The following CSMD1 variants were observed in gnomAD, a reference collection of about 807,000 sequenced individuals.
CSMD1 encodes the protein CUB and sushi domain-containing protein 1.
CSMD1 carries 213 observed loss-of-function variants against 417.5 expected under a neutral mutation model. That is an observed-to-expected ratio of 0.51 (90% confidence interval 0.46 to 0.57). The LOEUF is 0.57. Among genes scored for constraint, CSMD1 ranks in the 20% least tolerant of loss-of-function variants. CSMD1 has a pLI of 0.00. For missense variants in CSMD1, 6,923 were observed against 4,529.7 expected, an observed-to-expected ratio of 1.53 and a Z score of -15.17; for synonymous variants, 2,862 against 1,736.8, an observed-to-expected ratio of 1.65 and a Z score of -16.11.
intron 1 of CSMD1, among the ~76,000 whole-genome samples, chr8:4,719,756 C>A (rs7003892): frequency 1.3e-5 from 2 of 151,884 alleles, no homozygotes; most frequent in African/African-American, 4.8e-5. Context: ...TATGCACTTA[C>A]GATTTTCAAA....
At chr8:3,781,288 T>C (rs1408171652) in intron 5 of CSMD1, among the ~76,000 whole-genome samples, 1 of 152,130 alleles carries the variant, frequency 6.6e-6, no homozygotes, top group Non-Finnish European at 1.5e-5. Context: ...GAGAATATGG[T>C]ATGAATATAC....
intron 1 of CSMD1, among the ~76,000 whole-genome samples, chr8:4,779,996 T>C (rs961368262): frequency 1.3e-5 from 2 of 152,170 alleles, no homozygotes; most frequent in African/African-American, 2.4e-5. Flanking sequence ...GCAAACATTC[T>C]TTTCTCTTCT....
intron 12 of CSMD1, among the ~76,000 whole-genome samples, chr8:3,449,724 G>A (rs949502898): frequency 6.6e-6 from 1 of 152,110 alleles, no homozygotes. Context: ...CACCATGTTG[G>A]TCAGGCCTGT....
intron 10 of CSMD1, among the ~76,000 whole-genome samples, chr8:3,522,945 A>G (rs1428917221): frequency 1.3e-5 from 2 of 150,796 alleles, no homozygotes; most frequent in South Asian, 2.1e-4. Context: ...ATATTGACAA[A>G]TATTTAAACC....
chr8:4,040,164 C>G (rs1264480109), intron 3 of CSMD1, among the ~76,000 whole-genome samples: 3 of 152,124 alleles, frequency 2.0e-5, no homozygotes, highest in Non-Finnish European at 2.9e-5. Flanking sequence ...TAATGAAATG[C>G]TAGCATAGTT....
At chr8:4,313,876 T>C (rs1219225544) in intron 3 of CSMD1, among the ~76,000 whole-genome samples, 1 of 152,002 alleles carries the variant, frequency 6.6e-6, no homozygotes, top group Non-Finnish European at 1.5e-5. Context: ...TAGCTAGGCA[T>C]GGTGGTGCAC....
At chr8:4,749,906 C>G (rs1050299547) in intron 1 of CSMD1, among the ~76,000 whole-genome samples, 2 of 151,916 alleles carry the variant, frequency 1.3e-5, no homozygotes, top group Non-Finnish European at 2.9e-5. Context: ...TGTTTTGTCT[C>G]TAGATTGTCA....
At chr8:2,958,870 T>C (rs1227611868) in intron 62 of CSMD1, among the ~76,000 whole-genome samples, 3 of 152,226 alleles carry the variant, frequency 2.0e-5, no homozygotes, top group Non-Finnish European at 4.4e-5. Flanking sequence ...ACCTCCCATG[T>C]TGGGATTCCG....
At chr8:4,801,755 G>C (rs991100893) in intron 1 of CSMD1, among the ~76,000 whole-genome samples, 1 of 150,768 alleles carries the variant, frequency 6.6e-6, no homozygotes, top group Non-Finnish European at 1.5e-5. Flanking sequence ...CAGAAACTTT[G>C]TGAGGCAAAA....
At chr8:3,844,104 A>G (rs1344009439) in intron 5 of CSMD1, among the ~76,000 whole-genome samples, 3 of 152,146 alleles carry the variant, frequency 2.0e-5, no homozygotes, top group Non-Finnish European at 4.4e-5. Context: ...CCCTCCTACC[A>G]TTTTTATTAT....
intron 5 of CSMD1, among the ~76,000 whole-genome samples, chr8:3,893,052 G>A (rs868561386): frequency 2.0e-5 from 3 of 151,618 alleles, no homozygotes; most frequent in Non-Finnish European, 4.4e-5. Context: ...GATTAAACAA[G>A]TTTGACCAAG....
At chr8:3,678,843 C>T (rs1452783972) in intron 7 of CSMD1, among the ~76,000 whole-genome samples, 2 of 152,170 alleles carry the variant, frequency 1.3e-5, no homozygotes, top group African/African-American at 2.4e-5. Flanking sequence ...GATCTCTCAG[C>T]AGAAAGTCTA....
At chr8:3,355,077 G>T (rs766505793) in intron 21 of CSMD1, among the ~76,000 whole-genome samples, 2 of 151,858 alleles carry the variant, frequency 1.3e-5, no homozygotes, top group Non-Finnish European at 2.9e-5. Context: ...CAAAAACTGA[G>T]GATAAGGGTG....
chr8:3,767,671 G>T (rs1015927440), intron 5 of CSMD1, among the ~76,000 whole-genome samples: 2 of 152,096 alleles, frequency 1.3e-5, no homozygotes, highest in African/African-American at 4.8e-5. Context: ...TGGTATACAA[G>T]TAATACCTAT....
chr8:4,725,864 C>G (rs929618189), intron 1 of CSMD1, among the ~76,000 whole-genome samples: 1 of 152,104 alleles, frequency 6.6e-6, no homozygotes, highest in Non-Finnish European at 1.5e-5. Context: ...ACCTACCCTC[C>G]GACATCTTGT....
intron 8 of CSMD1, among the ~76,000 whole-genome samples, chr8:3,597,737 G>A (rs1380028174): frequency 1.3e-5 from 2 of 152,060 alleles, no homozygotes; most frequent in African/African-American, 2.4e-5. Context: ...AACACAAGAA[G>A]AGAAAACCAA....
chr8:4,417,471 T>G (rs1359115537), intron 3 of CSMD1, among the ~76,000 whole-genome samples: 1 of 152,080 alleles, frequency 6.6e-6, no homozygotes, highest in East Asian at 1.9e-4. Flanking sequence ...AATTAAAATT[T>G]TATGCAGCAG....
At chr8:3,899,162 T>C (rs1479588709) in intron 5 of CSMD1, among the ~76,000 whole-genome samples, 1 of 152,168 alleles carries the variant, frequency 6.6e-6, no homozygotes, top group East Asian at 1.9e-4. Flanking sequence ...GCCAGTACTG[T>C]CAAAGGTGCT....
chr8:3,981,583 T>C (rs1178825831), intron 5 of CSMD1, among the ~76,000 whole-genome samples: 1 of 150,410 alleles, frequency 6.6e-6, no homozygotes, highest in Non-Finnish European at 1.5e-5. Flanking sequence ...ACATCACTCA[T>C]AATTTTTCCT....
Sources: allele counts gnomAD v4.1 joint callset (sites outside exome capture counted in the v4.1 genomes callset), GRCh38; gene constraint gnomAD v4.1.1; transcripts MANE v1.5; gene names NCBI Gene and HGNC (gene_info 2026-07-23, HGNC 2026-07-21).